The following GCM1 variants were observed in gnomAD, a reference collection of about 807,000 sequenced individuals.
The protein encoded by GCM1 is GCM transcription factor 1, also known as chorion-specific transcription factor GCMa.
In GCM1, 2 loss-of-function variants were observed where a neutral mutation model predicts 25.7. The observed-to-expected ratio is 0.08, with a 90% CI of 0.03 to 0.24. The LOEUF is 0.24. GCM1 is among the 10% of genes least tolerant of loss of function. The probability of loss-of-function intolerance (pLI) is 1.00; values close to 1 mark genes in which losing one functional copy is unlikely to be tolerated. For synonymous variants in GCM1, 183 were observed against 195.7 expected, an observed-to-expected ratio of 0.94 and a Z score of 0.54; for missense variants, 395 against 538.7, an observed-to-expected ratio of 0.73 and a Z score of 2.64.
rs187915841 is a variant in GCM1, at chr6:53,143,214, A to T, written c.75+2344T>A. ...CAATCTTAGTACTTTTTAATGAACT[A>T]TAAATACATTTCTAAAACCAAATGT... is the stretch of plus-strand genomic sequence containing the variant. On this transcript the variant is annotated intron_variant, in intron 2 of 5. Coordinates refer to ENST00000259803, the MANE Select transcript of GCM1 (RefSeq NM_003643.4). 8.2e-3 allele frequency among the ~76,000 whole-genome samples: 1,250 copies of T among 152,348 alleles called. 19 individuals carry two copies. The highest frequency in any genetic ancestry group is 0.029 in the African/African-American group (1,188 of 41,578).
At chr6:53,147,686 C>G (rs1763983376) in intron 1 of GCM1, among the ~76,000 whole-genome samples, 1 of 152,062 alleles carries the variant, frequency 6.6e-6, no homozygotes, top group South Asian at 2.1e-4. Context: ...GTCTCTGTCT[C>G]CCAAAGTGCT....
At chr6:53,134,964 G>A (rs191834738) in intron 2 of GCM1, among the ~76,000 whole-genome samples, 120 of 152,328 alleles carry the variant, frequency 7.9e-4, no homozygotes, top group Non-Finnish European at 1.6e-3. Context: ...AGATCAAAGA[G>A]CCACTTTCTT....
At chr6:53,143,251 T>C (rs982027535) in intron 2 of GCM1, among the ~76,000 whole-genome samples, 2 of 152,250 alleles carry the variant, frequency 1.3e-5, no homozygotes, top group Admixed American at 6.5e-5. Flanking sequence ...CATTTTTTGC[T>C]ATACATTTCT....
intron 3 of GCM1, 150 bp downstream of exon 3, chr6:53,133,922 C>G (rs1351149641): frequency 2.0e-5 from 15 of 754,746 alleles, no homozygotes; most frequent in Non-Finnish European, 3.2e-5. Flanking sequence ...TGGTTCCGCT[C>G]CATATGCTCC....
intron 1 of GCM1, 105 bp from the exon 2 acceptor site, chr6:53,145,873 C>A: frequency 2.3e-6 from 1 of 435,902 alleles, no homozygotes; most frequent in Non-Finnish European, 4.0e-6. Context: ...TTTGCAAGTA[C>A]CAACATACTA....
intron 4 of GCM1, 130 bp downstream of exon 4, chr6:53,131,877 G>T: frequency 1.5e-6 from 1 of 681,468 alleles, no homozygotes; most frequent in Non-Finnish European, 2.7e-6. Context: ...AAGTGCAGGG[G>T]ACAGATACTT....
rs760060174 is a variant in GCM1 at position 53,128,612 on chromosome 6, G to A, written c.905C>T (p.Ala302Val). The A allele has an allele frequency of 1.2e-6, 2 of 1,614,106 alleles. No individual in the cohort carries two copies. Among genetic ancestry groups the A allele is most frequent in the Non-Finnish European group, 8.5e-7 (1 of 1,179,962 alleles). The change falls in exon 6 of 6, where the codon GCT becomes GTT. Residue 302 changes from alanine (A) to valine (V), a missense_variant. Transcript: ENST00000259803. Reference sequence around the variant, plus strand: ...GTCAGCAAGATGATTTCTCCCCAAAGCAGCATTTTTACTCCACGCTTGTAG... The same window carrying A: ...GTCAGCAAGATGATTTCTCCCCAAAACAGCATTTTTACTCCACGCTTGTAG... ...GDLQAWSKNA[A>V]LGRNHLADNC... is the part of the protein sequence containing the mutation.
chr6:53,133,725 C>T (rs977238047), intron 3 of GCM1, among the ~76,000 whole-genome samples: 3 of 152,110 alleles, frequency 2.0e-5, no homozygotes, highest in Non-Finnish European at 4.4e-5. Context: ...AACACCTGGC[C>T]TCAATTTATC....
intron 3 of GCM1, among the ~76,000 whole-genome samples, chr6:53,133,560 T>G (rs1005001576): frequency 6.6e-6 from 1 of 152,144 alleles, no homozygotes; most frequent in East Asian, 1.9e-4. Flanking sequence ...GGCTCCATTA[T>G]GGCTCACTGC....
At chr6:53,133,382 G>T (rs1285343865) in intron 3 of GCM1, among the ~76,000 whole-genome samples, 1 of 151,366 alleles carries the variant, frequency 6.6e-6, no homozygotes, top group East Asian at 2.0e-4. Context: ...AGTAGAGATG[G>T]GTCTTCACCA....
At chr6:53,141,416 G>A (rs183651452) in intron 2 of GCM1, among the ~76,000 whole-genome samples, 6 of 152,212 alleles carry the variant, frequency 3.9e-5, no homozygotes, top group Non-Finnish European at 5.9e-5. Flanking sequence ...GGCCGGGTGC[G>A]GTGGCTCACA....
chr6:53,138,230 C>T (rs926720945), intron 2 of GCM1, among the ~76,000 whole-genome samples: 7 of 145,954 alleles, frequency 4.8e-5, no homozygotes, highest in African/African-American at 1.0e-4. Flanking sequence ...TGCAGTGAGC[C>T]GAGATCATGC....
At chr6:53,137,954 C>T (rs1484672164) in intron 2 of GCM1, among the ~76,000 whole-genome samples, 1 of 152,034 alleles carries the variant, frequency 6.6e-6, no homozygotes, top group Non-Finnish European at 1.5e-5. Flanking sequence ...CTGACAGTCC[C>T]TCCACTGGTA....
intron 1 of GCM1, 37 bp downstream of exon 1, chr6:53,148,717 T>C (rs1764001233): frequency 6.6e-6 from 1 of 152,218 alleles, no homozygotes; most frequent in Non-Finnish European, 1.5e-5. Context: ...CCACATCCCT[T>C]ACATTTGCCT....
chr6:53,139,228 A>G (rs1175869565), intron 2 of GCM1, among the ~76,000 whole-genome samples: 2 of 151,992 alleles, frequency 1.3e-5, no homozygotes, highest in Non-Finnish European at 2.9e-5. Flanking sequence ...GGAAAACAGG[A>G]AAAAAAACCT....
rs778138761 is a variant in GCM1 at position 53,145,595 on chromosome 6, A to C, written c.38T>G (p.Ile13Arg). The change falls in exon 2 of 6, where the codon ATA becomes AGA. Residue 13 changes from isoleucine (I) to arginine (R), a missense_variant. Physicochemically the swap from Ile to Arg is moderately conservative, Grantham distance 97. This residue lies in a region of GCM1 where 44 missense variants were observed against 60.8 expected (regional missense o/e 0.72). Transcript: ENST00000259803. The stretch of plus-strand genomic sequence containing the variant: ...CACATCATTAATATCCCAGCTTAAT[A>C]TCTCTTTGTCTTCAGAATCAAAGTC... ...PDDFDSEDKE[I>R]LSWDINDVKL... is the part of the protein sequence containing the mutation. The C allele has an allele frequency of 7.5e-6, 12 of 1,602,936 alleles. No individual in the cohort carries two copies. In the Admixed American group the frequency reaches 2.0e-4, roughly 27 times the overall value.
chr6:53,138,003 C>G (rs998388371), intron 2 of GCM1, among the ~76,000 whole-genome samples: 1 of 151,912 alleles, frequency 6.6e-6, no homozygotes, highest in Non-Finnish European at 1.5e-5. Context: ...CAGTAATGGC[C>G]AGGTGCAGTG....
Position 53,128,817 on chromosome 6 carries a change from C to A in GCM1, c.700G>T (p.Asp234Tyr). ...TAACTCTTGGAGAAGGAAAAGCAATCATTTAGTGAGTTCTGCTGAGGAGTG... is the reference window on the plus strand; with the variant it reads ...TAACTCTTGGAGAAGGAAAAGCAATAATTTAGTGAGTTCTGCTGAGGAGTG... The part of the protein sequence containing the change: ...ANTPQQNSLN[D>Y]CFSFSKSYGL... The change falls in exon 6 of 6, where the codon GAT (aspartate) becomes TAT (tyrosine). Residue 234 changes from aspartate to tyrosine, a missense_variant. Around this residue, in one of 5 missense-constraint regions of GCM1, gnomAD observed 291 missense variants for 314.6 expected, o/e 0.92. Transcript: ENST00000259803. 6.2e-7 allele frequency: 1 copy of A among 1,613,916 alleles called. No homozygotes were observed. The highest frequency in any genetic ancestry group is 8.5e-7 in the Non-Finnish European group (1 of 1,179,790).
intron 2 of GCM1, among the ~76,000 whole-genome samples, chr6:53,139,711 A>G (rs1763848061): frequency 6.6e-6 from 1 of 151,856 alleles, no homozygotes; most frequent in African/African-American, 2.4e-5. Context: ...AATACCAAAA[A>G]TTAGCCAGCC....
Sources: gnomAD v4.1 joint callset for allele counts (sites outside exome capture counted in the v4.1 genomes callset) on GRCh38, gnomAD v4.1.1 for gene constraint, gnomAD v4.1.1 regional missense constraint, MANE v1.5 for transcripts, NCBI Gene and HGNC (gene_info 2026-07-23, HGNC 2026-07-21) for gene names.